The following GALNT13 variants were observed in gnomAD, a reference collection of about 807,000 sequenced individuals.
GALNT13 encodes the protein polypeptide N-acetylgalactosaminyltransferase 13, also known as UDP-GalNAc:polypeptide N-acetylgalactosaminyltransferase 13.
Under a neutral mutation model 64.2 loss-of-function variants are expected in GALNT13, and 28 were observed. The ratio of observed to expected loss-of-function variants is 0.44; its 90% CI spans 0.32 to 0.60. The LOEUF (loss-of-function observed/expected upper bound fraction) is 0.60, where lower values mean the gene tolerates loss of function less well. Among genes scored for constraint, GALNT13 ranks in the 20% least tolerant of loss-of-function variants. The probability of loss-of-function intolerance (pLI) is 0.05; values close to 1 mark genes in which losing one functional copy is unlikely to be tolerated. For synonymous variants in GALNT13, 214 were observed against 224.6 expected (o/e 0.95, Z 0.42); for missense variants, 577 against 669.8 (o/e 0.86, Z 1.53).
At chr2:153,700,124 C>T in the GALNT13 span, among the ~76,000 whole-genome samples, 1 of 152,140 alleles carries the variant, frequency 6.6e-6, no homozygotes. Context: ...AATCCAGCAG[C>T]ACATCAAAAA....
At chr2:153,657,078 G>C in the GALNT13 span, among the ~76,000 whole-genome samples, 5 of 152,168 alleles carry the variant, frequency 3.3e-5, no homozygotes, top group Admixed American at 2.6e-4. Context: ...GGGCATAGCA[G>C]TGAGCATCAG....
chr2:154,371,641 C>T (rs1697691902), intron 9 of GALNT13, among the ~76,000 whole-genome samples: 1 of 151,928 alleles, frequency 6.6e-6, no homozygotes, highest in Non-Finnish European at 1.5e-5. Flanking sequence ...TTTTAGAAAT[C>T]ACATCTGATG....
chr2:153,613,512 C>G, the GALNT13 span, among the ~76,000 whole-genome samples: 1 of 152,074 alleles, frequency 6.6e-6, no homozygotes. Context: ...AGAGTTTCCC[C>G]TTGAATAATA....
intron 7 of GALNT13, among the ~76,000 whole-genome samples, chr2:154,255,196 CTTTCAG>C (rs1317820845): frequency 6.6e-6 from 1 of 152,098 alleles, no homozygotes; most frequent in African/African-American, 2.4e-5. Context: ...GTGCTATATA[CTTTCAG>C]AGGAAAAAGT....
chr2:153,780,345 A>C, the GALNT13 span, among the ~76,000 whole-genome samples: 1 of 151,362 alleles, frequency 6.6e-6, no homozygotes, highest in Non-Finnish European at 1.5e-5. Context: ...TTCTGGAACC[A>C]CTAAAGTCCT....
intron 3 of GALNT13, among the ~76,000 whole-genome samples, chr2:154,069,941 A>G (rs1255573970): frequency 6.6e-6 from 1 of 152,172 alleles, no homozygotes; most frequent in African/African-American, 2.4e-5. Flanking sequence ...AACAGTGACA[A>G]CATAAACTTC....
the GALNT13 span, among the ~76,000 whole-genome samples, chr2:153,519,672 A>G: frequency 6.6e-6 from 1 of 152,132 alleles, no homozygotes; most frequent in African/African-American, 2.4e-5. Flanking sequence ...ATAGGCTTCA[A>G]TGGGAAATAT....
the GALNT13 span, among the ~76,000 whole-genome samples, chr2:153,759,508 C>T: frequency 6.6e-6 from 1 of 152,166 alleles, no homozygotes; most frequent in South Asian, 2.1e-4. Flanking sequence ...GAGATTTTAT[C>T]ATGAAAGGAT....
the GALNT13 span, among the ~76,000 whole-genome samples, chr2:153,425,761 C>T: frequency 3.3e-5 from 5 of 151,794 alleles, no homozygotes; most frequent in Non-Finnish European, 5.9e-5. Flanking sequence ...TGCCCTATGC[C>T]ATGGTCTAAA....
chr2:153,892,459 C>T (rs1208261553), intron 1 of GALNT13, among the ~76,000 whole-genome samples: 3 of 151,880 alleles, frequency 2.0e-5, no homozygotes, highest in Non-Finnish European at 2.9e-5. Flanking sequence ...TTCTTCCATC[C>T]CATGTTTATA....
the GALNT13 span, among the ~76,000 whole-genome samples, chr2:153,238,858 G>T: frequency 6.6e-6 from 1 of 151,998 alleles, no homozygotes; most frequent in Non-Finnish European, 1.5e-5. Flanking sequence ...TGTTAAGATT[G>T]CTTTTTCTAT....
intron 3 of GALNT13, among the ~76,000 whole-genome samples, chr2:153,955,077 C>T (rs13421763): frequency 6.6e-6 from 1 of 151,964 alleles, no homozygotes; most frequent in Non-Finnish European, 1.5e-5. Flanking sequence ...AGCAATTTTG[C>T]ATTTATTGAG....
chr2:154,221,479 T>C (rs2105822865), intron 4 of GALNT13, among the ~76,000 whole-genome samples: 1 of 152,188 alleles, frequency 6.6e-6, no homozygotes, highest in East Asian at 1.9e-4. Flanking sequence ...TGAGGTTGAT[T>C]TTGTTCCCTA....
the GALNT13 span, among the ~76,000 whole-genome samples, chr2:153,415,033 C>G: frequency 1.3e-5 from 2 of 152,114 alleles, no homozygotes; most frequent in Non-Finnish European, 2.9e-5. Flanking sequence ...ATAAAAATCA[C>G]TGGCATGGTA....
chr2:153,408,189 T>C, the GALNT13 span, among the ~76,000 whole-genome samples: 1 of 152,134 alleles, frequency 6.6e-6, no homozygotes, highest in Non-Finnish European at 1.5e-5. Flanking sequence ...GACCATGAAC[T>C]GTGGGTTAGA....
At chr2:153,422,878 ATGAC>A in the GALNT13 span, among the ~76,000 whole-genome samples, 1 of 151,996 alleles carries the variant, frequency 6.6e-6, no homozygotes. Flanking sequence ...AAAACCAACA[ATGAC>A]TGAAACAAGA....
chr2:153,647,400 TC>T, the GALNT13 span, among the ~76,000 whole-genome samples: 2 of 152,202 alleles, frequency 1.3e-5, no homozygotes, highest in East Asian at 3.8e-4. Flanking sequence ...AAAAATTTTC[TC>T]CCATTCTGTA....
At chr2:154,142,036 T>C (rs115257794) in intron 4 of GALNT13, among the ~76,000 whole-genome samples, 127 of 152,296 alleles carry the variant, frequency 8.3e-4, no homozygotes, top group African/African-American at 2.9e-3. Context: ...CTTGAGATTT[T>C]AGAAAATCTC....
intron 11 of GALNT13, among the ~76,000 whole-genome samples, chr2:154,438,044 T>C (rs181258797): frequency 6.6e-6 from 1 of 152,184 alleles, no homozygotes; most frequent in East Asian, 1.9e-4. Context: ...GCAAACCATA[T>C]TAGAGAGATA....
Sources: gnomAD v4.1 joint callset for allele counts (sites outside exome capture counted in the v4.1 genomes callset) on GRCh38, gnomAD v4.1.1 for gene constraint, MANE v1.5 for transcripts, NCBI Gene and HGNC (gene_info 2026-07-23, HGNC 2026-07-21) for gene names.